Variants in DMRTB1 observed in about 807,000 individuals in gnomAD.
The protein encoded by DMRTB1 is DMRT like family B with proline rich C-terminal 1.
In DMRTB1, 9 loss-of-function variants were observed where a neutral mutation model predicts 25.2. That is an observed-to-expected ratio of 0.36 (90% CI 0.22 to 0.62). DMRTB1 has a LOEUF of 0.62. DMRTB1 is among the 20% of genes least tolerant of loss of function. The pLI is 0.71. For synonymous variants in DMRTB1, 269 were observed against 238.1 expected, an observed-to-expected ratio of 1.13 and a Z score of -1.20; for missense variants, 551 against 499.3, an observed-to-expected ratio of 1.10 and a Z score of -0.99.
At chr1:53,460,173 G>A in intron 1 of DMRTB1, 143 bp downstream of exon 1, 2 of 1,220,376 alleles carry the variant, frequency 1.6e-6, no homozygotes, top group Non-Finnish European at 2.2e-6. Flanking sequence ...ACCCTTCTTC[G>A]AACAGGGATT....
At chr1:53,461,857 G>T (rs571317647) in intron 2 of DMRTB1, among the ~76,000 whole-genome samples, 1 of 152,354 alleles carries the variant, frequency 6.6e-6, no homozygotes, top group African/African-American at 2.4e-5. Context: ...CTCGGCTTGG[G>T]CTATGGCCTG....
intron 3 of DMRTB1, among the ~76,000 whole-genome samples, chr1:53,465,570 T>C (rs1199482355): frequency 1.3e-5 from 2 of 152,246 alleles, no homozygotes; most frequent in Admixed American, 6.5e-5. Context: ...TGGAAAGAAC[T>C]GACAAACTCA....
In DMRTB1 at chr1:53,459,865, C is replaced by T. The variant is rs1192357548; in HGVS notation, c.412C>T (p.Leu138=). The change falls in exon 1 of 4, where the codon CTG becomes TTG. Residue 138 remains leucine, a synonymous_variant. Coordinates refer to ENST00000371445, the MANE Select transcript of DMRTB1 (RefSeq NM_033067.3). ...CGGCCCGAGAGCCCTCCAGCCGGTT[C>T]TGGGCGGCCGCAGCCACGTGGAGCC... is the stretch of plus-strand genomic sequence containing the variant. ...NPGPRALQPV[L]GGRSHVEPSE... The T allele has an allele frequency of 2.7e-6, 4 of 1,505,314 alleles. No individual in the cohort carries two copies. Among genetic ancestry groups the T allele is most frequent in the Non-Finnish European group, 3.5e-6 (4 of 1,135,666 alleles). The allele number at this position is 1,505,314 out of a possible 1,614,324, so 93.2% of individuals were successfully genotyped here. A position where few individuals can be genotyped will look rare whatever the true frequency, so the allele number is the denominator to read the frequency against.
chr1:53,466,514 A>G, intron 3 of DMRTB1, 81 bp from the exon 4 acceptor site: 1 of 1,398,988 alleles, frequency 7.1e-7, no homozygotes, highest in Non-Finnish European at 1.0e-6. Context: ...TAAAATAAGA[A>G]AAAAGAAAAT....
At chr1:53,461,415 C>T in intron 1 of DMRTB1, 58 bp from the exon 2 acceptor site, 1 of 1,498,346 alleles carries the variant, frequency 6.7e-7, no homozygotes, top group Admixed American at 2.1e-5. Flanking sequence ...CCTGGGCCGC[C>T]CTGCGGATGC....
In DMRTB1 at chr1:53,459,837, C is replaced by T. The variant is rs1249268472; in HGVS notation, c.384C>T (p.Asn128=). 6.1e-6 allele frequency: 9 copies of T among 1,477,358 alleles called. No individual in the cohort carries two copies. Among genetic ancestry groups the T allele is most frequent in the Non-Finnish European group, 8.0e-6 (9 of 1,122,604 alleles). 91.5% of individuals were successfully genotyped at this position (1,477,358 alleles called of 1,614,324 possible). A position where few individuals can be genotyped will look rare whatever the true frequency, so the allele number is the denominator to read the frequency against. ...CFFEQPPRGR[N]PGPRALQPVL... ...TCGAGCAGCCCCCGCGGGGCCGGAA[C>T]CCCGGCCCGAGAGCCCTCCAGCCGG... is the stretch of plus-strand genomic sequence containing the variant. Residue 128 remains asparagine (N), a synonymous_variant, in exon 1 of 4, where the codon AAC becomes AAT. Coordinates refer to ENST00000371445, the MANE Select transcript of DMRTB1 (RefSeq NM_033067.3).
rs750882444 is a variant in DMRTB1, at chr1:53,459,586, G to A, written c.133G>A (p.Glu45Lys). The A allele has an allele frequency of 1.0e-5, 16 of 1,602,168 alleles. No individual in the cohort carries two copies. The highest frequency in any genetic ancestry group is 2.3e-5 in the East Asian group (1 of 44,422). Reference sequence around the variant, plus strand: ...CTGCGAGAAGTGCTACCTGATCTCCGAGCGCCAGAAGATCATGGCCGCGCA... The same window carrying A: ...CTGCGAGAAGTGCTACCTGATCTCCAAGCGCCAGAAGATCATGGCCGCGCA... The part of the protein sequence containing the change: ...CLCEKCYLIS[E>K]RQKIMAAQKV... The change falls in exon 1 of 4, where the codon GAG (glutamate) becomes AAG (lysine). Residue 45 changes from glutamate to lysine, a missense_variant. By Grantham distance (56) the Glu-to-Lys change is moderately conservative (BLOSUM62 1). Coordinates refer to ENST00000371445, the MANE Select transcript of DMRTB1 (RefSeq NM_033067.3).
chr1:53,461,337 G>A lies in DMRTB1; in HGVS notation c.578-136G>A, dbSNP rs565782224. The A allele has an allele frequency of 5.7e-6, 5 of 878,394 alleles. No individual in the cohort carries two copies. The Admixed American group carries it at 1.6e-4, about 27-fold the overall frequency. The allele number at this position is 878,394 out of a possible 1,614,324, so 54.4% of individuals were successfully genotyped here. A position where few individuals can be genotyped will look rare whatever the true frequency, so the allele number is the denominator to read the frequency against. ...TGGCTGGAGGATGGAGATGCAGTGA[G>A]GGCCCAGCGGAAGGAAGTGCGGGGT... On this transcript the variant is annotated intron_variant, in intron 1 of 3. Coordinates refer to ENST00000371445, the MANE Select transcript of DMRTB1 (RefSeq NM_033067.3).
At chr1:53,462,938 C>T (rs1644029891) in intron 2 of DMRTB1, among the ~76,000 whole-genome samples, 1 of 152,254 alleles carries the variant, frequency 6.6e-6, no homozygotes, top group Non-Finnish European at 1.5e-5. Context: ...AAAGCACGTT[C>T]CGTCTGCTCA....
At chr1:53,461,730 A>G (rs1644024140) in intron 2 of DMRTB1, 85 bp downstream of exon 2, 1 of 1,456,990 alleles carries the variant, frequency 6.9e-7, no homozygotes, top group African/African-American at 1.4e-5. Context: ...CCAGGAAGCC[A>G]GCTGTCATAA....
chr1:53,459,688 G>C lies in DMRTB1; in HGVS notation c.235G>C (p.Gly79Arg), dbSNP rs749298992. 396 of 1,506,410 alleles carry C rather than the reference G, an allele frequency of 2.6e-4. No individual in the cohort carries two copies. Among genetic ancestry groups the C allele is most frequent in the South Asian group, 1.6e-3 (129 of 78,996 alleles). 93.3% of individuals were successfully genotyped at this position (1,506,410 alleles called of 1,614,324 possible). ...LCAQGPKQAS[G>R]AAAAAPAPVP... is the part of the protein sequence containing the mutation. ...TGCGCAGGGGCCCAAGCAGGCCTCC[G>C]GGGCTGCGGCCGCCGCCCCCGCCCC... is the stretch of plus-strand genomic sequence containing the variant. Residue 79 changes from glycine to arginine, a missense_variant, in exon 1 of 4, where the codon GGG becomes CGG. Gly to Arg is a moderately radical substitution (Grantham distance 125, BLOSUM62 -2). Coordinates refer to ENST00000371445, the MANE Select transcript of DMRTB1 (RefSeq NM_033067.3).
At chr1:53,461,687 G>C (rs373692183) in intron 2 of DMRTB1, 42 bp downstream of exon 2, 2 of 1,508,378 alleles carry the variant, frequency 1.3e-6, no homozygotes, top group African/African-American at 1.4e-5. Context: ...CCTCCACCCA[G>C]TCTGCCCCTG....
rs761203609 is a variant in DMRTB1, at chr1:53,464,783, G to T, written c.897G>T (p.Pro299=). The change falls in exon 3 of 4, where the codon CCG becomes CCT. Residue 299 remains proline (P), a synonymous_variant. Coordinates refer to ENST00000371445, the MANE Select transcript of DMRTB1 (RefSeq NM_033067.3). ...LSALHFLPPP[P]PPPPPSSFSL... is the part of the protein sequence containing the mutation. ...CGCTCCACTTCCTCCCCCCGCCACC[G>T]CCACCACCACCTCCATCATCTTTCT... 5.8e-5 allele frequency: 91 copies of T among 1,568,534 alleles called. No individual in the cohort carries two copies. The highest frequency in any genetic ancestry group is 7.6e-5 in the Non-Finnish European group (87 of 1,142,938).
chr1:53,466,130 C>G (rs1214989675), intron 3 of DMRTB1, among the ~76,000 whole-genome samples: 3 of 152,124 alleles, frequency 2.0e-5, no homozygotes, highest in African/African-American at 7.2e-5. Flanking sequence ...AGGCTCCTGG[C>G]GCCTAACAAG....
intron 2 of DMRTB1, among the ~76,000 whole-genome samples, chr1:53,463,165 A>G (rs1368342107): frequency 6.6e-6 from 1 of 152,228 alleles, no homozygotes; most frequent in Non-Finnish European, 1.5e-5. Context: ...TGGAGAGAGA[A>G]TCAGGCATTG....
At position 53,464,687 on chromosome 1, in the gene DMRTB1, G is replaced by A. The variant is rs61738842; in HGVS notation, c.801G>A (p.Pro267=). The stretch of plus-strand genomic sequence containing the variant: ...AGCCAAGCTACTACCTGCCGCCGCC[G>A]CCGCCGCCACTGCCGCCCCTTCCAC... ...DFQPSYYLPP[P]PPPLPPLPPL... is the part of the protein sequence containing the mutation. Residue 267 remains proline (P), a synonymous_variant, in exon 3 of 4, where the codon CCG becomes CCA. Coordinates refer to ENST00000371445, the MANE Select transcript of DMRTB1 (RefSeq NM_033067.3). 107,253 of 1,613,016 alleles carry A rather than the reference G, an allele frequency of 0.066. 3,948 individuals are homozygous for A. The highest frequency in any genetic ancestry group is 0.076 in the Non-Finnish European group (89,496 of 1,179,524).
At chr1:53,462,952 A>C (rs1644029970) in intron 2 of DMRTB1, among the ~76,000 whole-genome samples, 1 of 152,268 alleles carries the variant, frequency 6.6e-6, no homozygotes. Flanking sequence ...CTGCTCACAC[A>C]GAAGTCTGGA....
At position 53,459,707 on chromosome 1, in the gene DMRTB1, C is replaced by T; in HGVS notation, c.254C>T (p.Pro85Leu). Residue 85 changes from proline to leucine, a missense_variant, in exon 1 of 4, where the codon CCC (proline) becomes CTC (leucine). Physicochemically the swap from Pro to Leu is moderately conservative, Grantham distance 98. Coordinates refer to ENST00000371445, the MANE Select transcript of DMRTB1 (RefSeq NM_033067.3). ...KQASGAAAAA[P>L]APVPVPAASL... Reference sequence around the variant, plus strand: ...GCCTCCGGGGCTGCGGCCGCCGCCCCCGCCCCCGTCCCCGTCCCGGCCGCG... The same window carrying T: ...GCCTCCGGGGCTGCGGCCGCCGCCCTCGCCCCCGTCCCCGTCCCGGCCGCG... The T allele has an allele frequency of 6.9e-7, 1 of 1,442,120 alleles. No homozygotes were observed. Among genetic ancestry groups the T allele is most frequent in the African/African-American group, 1.5e-5 (1 of 66,262 alleles). The allele number at this position is 1,442,120 out of a possible 1,614,324, so 89.3% of individuals were successfully genotyped here.
At chr1:53,466,490 C>A in intron 3 of DMRTB1, 105 bp from the exon 4 acceptor site, 1 of 1,212,780 alleles carries the variant, frequency 8.2e-7, no homozygotes, top group South Asian at 1.4e-5. Flanking sequence ...GACTCTGTCT[C>A]AAAAAAATTA....
Sources: gnomAD v4.1 joint callset for allele counts (sites outside exome capture counted in the v4.1 genomes callset) on GRCh38, gnomAD v4.1.1 for gene constraint, MANE v1.5 for transcripts, NCBI Gene and HGNC (gene_info 2026-07-23, HGNC 2026-07-21) for gene names.